Variants in PSD3 observed in about 807,000 individuals in gnomAD.
PSD3 encodes the protein PH and SEC7 domain-containing protein 3.
PSD3 carries 49 observed loss-of-function variants against 105.5 expected under a neutral mutation model. That is an observed-to-expected ratio of 0.46 (90% CI 0.37 to 0.59). The LOEUF (loss-of-function observed/expected upper bound fraction) is 0.59, where lower values mean the gene tolerates loss of function less well. Among genes scored for constraint, PSD3 ranks in the 20% least tolerant of loss-of-function variants. PSD3 has a pLI of 0.00. For synonymous variants in PSD3, 557 were observed against 457.8 expected, an observed-to-expected ratio of 1.22 and a Z score of -2.77; for missense variants, 1,561 against 1,263.8, an observed-to-expected ratio of 1.24 and a Z score of -3.57.
chr8:18,655,854 G>C (rs1248320543), intron 9 of PSD3, among the ~76,000 whole-genome samples, 169 bp from the exon 10 acceptor site: 1 of 152,136 alleles, frequency 6.6e-6, no homozygotes, highest in East Asian at 1.9e-4. Context: ...AATGAGCATT[G>C]GGTGAACAAC....
chr8:19,018,629 T>C (rs1229981787), upstream of PSD3, among the ~76,000 whole-genome samples: 1 of 152,250 alleles, frequency 6.6e-6, no homozygotes, highest in Non-Finnish European at 1.5e-5. Context: ...AATCTGAAGC[T>C]GAGAACATCT....
At chr8:18,674,763 T>G (rs1799978403) in intron 9 of PSD3, among the ~76,000 whole-genome samples, 1 of 152,060 alleles carries the variant, frequency 6.6e-6, no homozygotes, top group African/African-American at 2.4e-5. Context: ...TCCCAGCACT[T>G]TGGGAGGCTG....
chr8:18,713,611 C>T (rs1399836749), intron 9 of PSD3, among the ~76,000 whole-genome samples: 3 of 152,042 alleles, frequency 2.0e-5, no homozygotes, highest in Non-Finnish European at 4.4e-5. Context: ...AACGACAAAC[C>T]TCTGCCCAAG....
chr8:18,608,922 A>G (rs1374257618), intron 11 of PSD3, among the ~76,000 whole-genome samples: 1 of 152,174 alleles, frequency 6.6e-6, no homozygotes, highest in Admixed American at 6.5e-5. Flanking sequence ...ATGGCAGAGC[A>G]TTTGTTCCTA....
intron 4 of PSD3, among the ~76,000 whole-genome samples, chr8:18,840,275 T>A (rs1814508517): frequency 1.3e-5 from 2 of 152,172 alleles, no homozygotes; most frequent in African/African-American, 2.4e-5. Context: ...GGGGAAGTTG[T>A]GTGGGGTGCA....
chr8:18,753,857 T>C (rs1487940908), intron 9 of PSD3, among the ~76,000 whole-genome samples: 2 of 152,172 alleles, frequency 1.3e-5, no homozygotes, highest in African/African-American at 4.8e-5. Flanking sequence ...TGCAGTGCTG[T>C]AATGCAGCCA....
chr8:18,780,979 C>T (rs962921816), intron 8 of PSD3, among the ~76,000 whole-genome samples: 6 of 152,166 alleles, frequency 3.9e-5, no homozygotes, highest in Non-Finnish European at 7.3e-5. Flanking sequence ...TTTTTCCTTG[C>T]TTTGGAAAGC....
chr8:19,055,396 G>A (rs933490701), intron 1 of PSD3, among the ~76,000 whole-genome samples: 2 of 151,400 alleles, frequency 1.3e-5, no homozygotes, highest in Non-Finnish European at 2.9e-5. Flanking sequence ...TGGGGTTACA[G>A]GCGCCCGCCA....
At chr8:18,717,550 A>T (rs1003262297) in intron 9 of PSD3, among the ~76,000 whole-genome samples, 1 of 152,212 alleles carries the variant, frequency 6.6e-6, no homozygotes, top group African/African-American at 2.4e-5. Flanking sequence ...ACCATGAAGC[A>T]AAATTGCAGA....
chr8:18,604,613 G>A (rs1906670), intron 11 of PSD3, among the ~76,000 whole-genome samples: 38,624 of 152,076 alleles, frequency 0.25, 5,018 homozygotes, highest in East Asian at 0.32. Context: ...TTAAAAAGAA[G>A]CCAAGTGCTA....
At chr8:18,860,260 C>T (rs1816339383) in intron 4 of PSD3, among the ~76,000 whole-genome samples, 1 of 151,628 alleles carries the variant, frequency 6.6e-6, no homozygotes, top group African/African-American at 2.4e-5. Flanking sequence ...TTTATGGGGC[C>T]CCAAAACAAT....
intron 9 of PSD3, among the ~76,000 whole-genome samples, chr8:18,683,182 T>C (rs1274717047): frequency 6.6e-6 from 1 of 152,200 alleles, no homozygotes. Context: ...ACGAGTGGTT[T>C]CATGGCAGCA....
At chr8:19,071,871 G>T (rs113873089) in intron 1 of PSD3, among the ~76,000 whole-genome samples, 1 of 151,528 alleles carries the variant, frequency 6.6e-6, no homozygotes, top group African/African-American at 2.4e-5. Flanking sequence ...CACCACACCC[G>T]GCTAATTTTT....
intron 14 of PSD3, 97 bp from the exon 15 acceptor site, chr8:18,556,449 T>A: frequency 7.7e-7 from 1 of 1,301,534 alleles, no homozygotes; most frequent in Non-Finnish European, 1.1e-6. Flanking sequence ...TGAATGACTT[T>A]AATTCACTAA....
intron 12 of PSD3, 58 bp downstream of exon 12, chr8:18,600,306 G>C (rs1160094583): frequency 2.8e-6 from 4 of 1,422,864 alleles, no homozygotes; most frequent in Non-Finnish European, 4.0e-6. Flanking sequence ...TACATATACT[G>C]GACCTCATGT....
At chr8:18,642,431 T>C (rs1478149064) in intron 10 of PSD3, among the ~76,000 whole-genome samples, 2 of 152,194 alleles carry the variant, frequency 1.3e-5, no homozygotes, top group African/African-American at 2.4e-5. Flanking sequence ...TTAAAAATCA[T>C]TCAGAAACTA....
At position 18,760,938 on chromosome 8, in the gene PSD3, C is replaced by G. The variant is rs112181172; in HGVS notation, c.2172+4511G>C. Among the ~76,000 whole-genome samples the G allele has an allele frequency of 9.2e-3, 1,399 of 152,276 alleles. 13 individuals are homozygous for G. The highest frequency in any genetic ancestry group is 0.028 in the African/African-American group (1,157 of 41,550). ...TTGTCTCCCCCAGGGATGTTTTAAT[C>G]ACTTCAAGTAATTCACATCTCCATC... On this transcript the variant is annotated intron_variant, in intron 9 of 15. Transcript: ENST00000327040.
At chr8:18,796,630 C>T (rs1470998447) in intron 8 of PSD3, among the ~76,000 whole-genome samples, 1 of 152,168 alleles carries the variant, frequency 6.6e-6, no homozygotes, top group African/African-American at 2.4e-5. Context: ...AGGAAAGGTT[C>T]ACCAAGAGCA....
At chr8:18,893,093 C>G (rs1818917340) in intron 2 of PSD3, among the ~76,000 whole-genome samples, 1 of 152,154 alleles carries the variant, frequency 6.6e-6, no homozygotes, top group Non-Finnish European at 1.5e-5. Context: ...GTACCAGCAT[C>G]AAATTGCAAG....
Sources: gnomAD v4.1 joint callset for allele counts (sites outside exome capture counted in the v4.1 genomes callset) on GRCh38, gnomAD v4.1.1 for gene constraint, MANE v1.5 for transcripts, NCBI Gene and HGNC (gene_info 2026-07-23, HGNC 2026-07-21) for gene names.